Variants in CNTNAP2 observed in about 807,000 individuals in gnomAD.
CNTNAP2 encodes the protein contactin associated protein 2.
In CNTNAP2, 98 loss-of-function variants were observed where a neutral mutation model predicts 155.2. The ratio of observed to expected loss-of-function variants is 0.63; its 90% CI spans 0.54 to 0.75. The LOEUF is 0.75. CNTNAP2 is among the 30% of genes least tolerant of loss of function. CNTNAP2 has a pLI of 0.00. For missense variants in CNTNAP2, 1,727 were observed against 1,688.1 expected (o/e 1.02, Z -0.40); for synonymous variants, 651 against 631.2 (o/e 1.03, Z -0.47).
At chr7:146,788,781 C>T (rs73170334) in intron 2 of CNTNAP2, among the ~76,000 whole-genome samples, 22,914 of 152,046 alleles carry the variant, frequency 0.15, 2,002 homozygotes, top group South Asian at 0.29. Flanking sequence ...TCATTACTGA[C>T]GGCAAAGTAT....
chr7:146,807,927 T>A (rs544145988), intron 2 of CNTNAP2, among the ~76,000 whole-genome samples: 22 of 152,180 alleles, frequency 1.4e-4, no homozygotes, highest in Non-Finnish European at 3.1e-4. Flanking sequence ...TCTGGCATAG[T>A]ACATTTGCTA....
At chr7:146,721,286 A>G (rs1046239006) in intron 1 of CNTNAP2, among the ~76,000 whole-genome samples, 1 of 130,186 alleles carries the variant, frequency 7.7e-6, no homozygotes, top group East Asian at 2.2e-4. Context: ...TATATATTCT[A>G]TATATATTCT....
At chr7:146,167,948 G>GT (rs1798336994) in intron 1 of CNTNAP2, among the ~76,000 whole-genome samples, 1 of 152,186 alleles carries the variant, frequency 6.6e-6, no homozygotes, top group Non-Finnish European at 1.5e-5. Context: ...CAAACCACTG[G>GT]TGTTTCAGTC....
intron 1 of CNTNAP2, among the ~76,000 whole-genome samples, chr7:146,286,300 T>C (rs1030142376): frequency 6.6e-6 from 1 of 151,738 alleles, no homozygotes; most frequent in Non-Finnish European, 1.5e-5. Context: ...CTCTCTCTCT[T>C]TTTAACTTTT....
chr7:147,985,405 T>C (rs1160719330), intron 15 of CNTNAP2, among the ~76,000 whole-genome samples: 1 of 88,628 alleles, frequency 1.1e-5, no homozygotes, highest in Non-Finnish European at 2.3e-5. Flanking sequence ...TTTATGTTTT[T>C]ACTTTTTTTT....
At chr7:146,451,817 T>C (rs1476230536) in intron 1 of CNTNAP2, among the ~76,000 whole-genome samples, 1 of 70,760 alleles carries the variant, frequency 1.4e-5, no homozygotes, top group Admixed American at 1.7e-4. Flanking sequence ...TCTATATATA[T>C]ATATACGTAT....
At chr7:146,762,926 T>C (rs1329291115) in intron 1 of CNTNAP2, among the ~76,000 whole-genome samples, 1 of 152,080 alleles carries the variant, frequency 6.6e-6, no homozygotes, top group Non-Finnish European at 1.5e-5. Context: ...GTCCCTCCCA[T>C]GACATGTGGG....
At chr7:147,116,351 A>C (rs1471745937) in intron 5 of CNTNAP2, among the ~76,000 whole-genome samples, 1 of 152,212 alleles carries the variant, frequency 6.6e-6, no homozygotes, top group Non-Finnish European at 1.5e-5. Context: ...TGATAGAGCC[A>C]CTGTGCTGTG....
intron 13 of CNTNAP2, among the ~76,000 whole-genome samples, chr7:147,859,015 C>T (rs957708307): frequency 2.0e-5 from 3 of 152,292 alleles, no homozygotes; most frequent in Admixed American, 2.0e-4. Flanking sequence ...AACCAAAGTT[C>T]TATCCTTAAG....
At chr7:146,392,078 A>G (rs1199445895) in intron 1 of CNTNAP2, among the ~76,000 whole-genome samples, 1 of 152,192 alleles carries the variant, frequency 6.6e-6, no homozygotes, top group African/African-American at 2.4e-5. Context: ...TTTACATGAT[A>G]ATGGTTAAAT....
In CNTNAP2 at chr7:146,475,006, C is replaced by CGT. The variant is rs1260691122; in HGVS notation, c.98-299264_98-299263insTG. On this transcript the variant is annotated intron_variant, in intron 1 of 23. Coordinates refer to ENST00000361727, the MANE Select transcript of CNTNAP2 (RefSeq NM_014141.6). ...GCCTGAGCACGAGCGCGCACGCGCG[C>CGT]GCGCGCGCACACACACACACACACA... Among the ~76,000 whole-genome samples the CGT allele has an allele frequency of 6.3e-5, 8 of 127,676 alleles. No homozygotes were observed. In the South Asian group the frequency reaches 9.6e-4, roughly 15 times the overall value. 83.8% of individuals were successfully genotyped at this position (127,676 alleles called of 152,430 possible).
At chr7:146,705,025 T>C (rs1279128869) in intron 1 of CNTNAP2, among the ~76,000 whole-genome samples, 1 of 152,160 alleles carries the variant, frequency 6.6e-6, no homozygotes, top group Non-Finnish European at 1.5e-5. Context: ...AGAAGCGGCC[T>C]CTTTGCTAAA....
intron 13 of CNTNAP2, among the ~76,000 whole-genome samples, chr7:147,855,414 T>A (rs2116676444): frequency 6.6e-6 from 1 of 152,270 alleles, no homozygotes; most frequent in East Asian, 1.9e-4. Flanking sequence ...GAGTGTCATC[T>A]TACCTGGATG....
intron 1 of CNTNAP2, among the ~76,000 whole-genome samples, chr7:146,579,541 G>A (rs536378251): frequency 2.1e-4 from 32 of 152,070 alleles, no homozygotes; most frequent in Non-Finnish European, 3.7e-4. Context: ...AAATTGAACA[G>A]ACTGTTAACC....
chr7:147,020,894 G>T (rs1013092122), intron 3 of CNTNAP2, among the ~76,000 whole-genome samples: 3 of 152,108 alleles, frequency 2.0e-5, no homozygotes, highest in Admixed American at 6.6e-5. Flanking sequence ...AACAAAGAAA[G>T]AATGTAGTTT....
At chr7:147,163,644 T>TTCTC (rs3084354) in intron 8 of CNTNAP2, among the ~76,000 whole-genome samples, 87,734 of 151,556 alleles carry the variant, frequency 0.58, 25,540 homozygotes, top group South Asian at 0.71. Context: ...AAATTTAACT[T>TTCTC]TAAGTCAGGC....
chr7:146,836,849 A>T (rs1346772484), intron 2 of CNTNAP2, among the ~76,000 whole-genome samples: 1 of 151,996 alleles, frequency 6.6e-6, no homozygotes, highest in African/African-American at 2.4e-5. Flanking sequence ...CGTTATTTTT[A>T]TATTTAAAAT....
chr7:147,154,049 G>C (rs926550196), intron 8 of CNTNAP2, among the ~76,000 whole-genome samples: 3 of 151,796 alleles, frequency 2.0e-5, no homozygotes, highest in Admixed American at 2.0e-4. Flanking sequence ...AGTGTGAGGA[G>C]GTAAAGAAAT....
At chr7:146,697,966 T>G (rs1800810298) in intron 1 of CNTNAP2, among the ~76,000 whole-genome samples, 2 of 152,302 alleles carry the variant, frequency 1.3e-5, no homozygotes, top group South Asian at 4.1e-4. Flanking sequence ...TTTTACCTGT[T>G]TTTAGAGATT....
Sources: allele counts gnomAD v4.1 joint callset (sites outside exome capture counted in the v4.1 genomes callset), GRCh38; gene constraint gnomAD v4.1.1; transcripts MANE v1.5; gene names NCBI Gene and HGNC (gene_info 2026-07-23, HGNC 2026-07-21).